Variants in CHL1 observed in about 807,000 individuals in gnomAD.
CHL1 encodes neural cell adhesion molecule L1-like protein.
In CHL1, 96 loss-of-function variants were observed where a neutral mutation model predicts 141.9. That is an observed-to-expected ratio of 0.68 (90% CI 0.57 to 0.80). CHL1 has a LOEUF of 0.80. CHL1 is among the 30% of genes least tolerant of loss of function. The pLI is 0.00. For missense variants in CHL1, 1,820 were observed against 1,457.2 expected (o/e 1.25, Z -4.05); for synonymous variants, 613 against 502.2 (o/e 1.22, Z -2.95).
chr3:287,317 C>G (rs748258114), intron 2 of CHL1, among the ~76,000 whole-genome samples: 2 of 152,166 alleles, frequency 1.3e-5, no homozygotes, highest in Non-Finnish European at 2.9e-5. Flanking sequence ...GACAATAGCT[C>G]TGTGCCAGGT....
chr3:383,738 T>A lies in CHL1; in HGVS notation c.2177-78T>A, dbSNP rs910011353. On this transcript the variant is annotated intron_variant, in intron 18 of 27. Coordinates refer to ENST00000256509, the MANE Select transcript of CHL1 (RefSeq NM_006614.4). ...AAACTTACTTAATTATCTGTGTTTT[T>A]GGGGGGCAGGAGTTGTGATATGATG... 2.1e-5 allele frequency: 18 copies of A among 868,586 alleles called. No homozygotes were observed. The East Asian group carries it at 4.2e-4, about 20-fold the overall frequency. 53.8% of individuals were successfully genotyped at this position (868,586 alleles called of 1,614,324 possible).
chr3:304,369 C>G (rs1394326941), intron 2 of CHL1, among the ~76,000 whole-genome samples: 1 of 152,124 alleles, frequency 6.6e-6, no homozygotes, highest in African/African-American at 2.4e-5. Context: ...TCCATCTGGT[C>G]CTGGGCTTTA....
intron 1 of CHL1, among the ~76,000 whole-genome samples, chr3:243,861 A>G (rs2125106589): frequency 6.6e-6 from 1 of 152,332 alleles, no homozygotes; most frequent in Non-Finnish European, 1.5e-5. Flanking sequence ...GACAGCTGGT[A>G]TGCAAAAAAA....
chr3:394,528 A>G (rs1048686060), intron 23 of CHL1, among the ~76,000 whole-genome samples, 165 bp from the exon 24 acceptor site: 18 of 152,148 alleles, frequency 1.2e-4, no homozygotes, highest in African/African-American at 4.3e-4. Context: ...CATATATGAT[A>G]TAGTCATAGT....
At chr3:266,339 A>G (rs1329915109) in intron 2 of CHL1, among the ~76,000 whole-genome samples, 1 of 152,170 alleles carries the variant, frequency 6.6e-6, no homozygotes, top group Non-Finnish European at 1.5e-5. Context: ...TTTCTTTAAC[A>G]AGGAAAGCGA....
chr3:361,867 T>A, intron 13 of CHL1, 57 bp downstream of exon 13: 1 of 1,169,600 alleles, frequency 8.5e-7, no homozygotes, highest in East Asian at 2.3e-5. Context: ...TTTGACCTTG[T>A]TTCTTCATCC....
intron 23 of CHL1, 135 bp from the exon 24 acceptor site, chr3:394,558 G>A (rs930114223): frequency 2.5e-4 from 165 of 658,472 alleles, no homozygotes; most frequent in Admixed American, 5.3e-4. Flanking sequence ...TACCTCATAG[G>A]ATTAAATGAG....
chr3:236,071 G>C (rs972045530), intron 1 of CHL1, among the ~76,000 whole-genome samples: 1 of 152,188 alleles, frequency 6.6e-6, no homozygotes, highest in Non-Finnish European at 1.5e-5. Flanking sequence ...ATGGTGGGAA[G>C]ACCAGCGTCT....
chr3:395,584 A>T (rs1708606180), intron 24 of CHL1, among the ~76,000 whole-genome samples: 1 of 152,348 alleles, frequency 6.6e-6, no homozygotes, highest in South Asian at 2.1e-4. Context: ...AAACAGAGAG[A>T]GATTTATGTA....
At chr3:330,072 C>T (rs182377266) in intron 5 of CHL1, among the ~76,000 whole-genome samples, 43 of 151,968 alleles carry the variant, frequency 2.8e-4, no homozygotes, top group African/African-American at 8.4e-4. Context: ...GTAACTAACA[C>T]GGCAAAATGA....
Position 383,121 on chromosome 3 carries a change from A to G in CHL1, c.2176+450A>G, listed in dbSNP as rs376498951. On this transcript the variant is annotated intron_variant, in intron 18 of 27. Transcript: ENST00000256509. ...TTGTATTACTGAATTGTTATTGATC[A>G]TCAATGTGGTCATAGCATGATATTT... Among the ~76,000 whole-genome samples the G allele has an allele frequency of 7.7e-4, 117 of 152,332 alleles. 2 individuals carry two copies. The South Asian group carries it at 0.024, about 31-fold the overall frequency.
chr3:302,859 G>C lies in CHL1; in HGVS notation c.-94-16824G>C, dbSNP rs532490671. ...ATGGTATTGCCCAGGTTTTCTTCTA[G>C]AGTTTTTATGGTCTAGGTCTTACGT... is the stretch of plus-strand genomic sequence containing the variant. On this transcript the variant is annotated intron_variant, in intron 2 of 27. Transcript: ENST00000256509. 1.3e-4 allele frequency among the ~76,000 whole-genome samples: 20 copies of C among 152,278 alleles called. No homozygotes were observed. In the Middle Eastern group the frequency reaches 0.017, roughly 129 times the overall value.
At chr3:384,552 G>A (rs764169004) in intron 19 of CHL1, 1 of 152,094 alleles carries the variant, frequency 6.6e-6, no homozygotes, top group Non-Finnish European at 1.5e-5. Flanking sequence ...GCATAAAAAT[G>A]CCCATCTACC....
At chr3:349,823 C>T (rs923928395) in intron 10 of CHL1, among the ~76,000 whole-genome samples, 1 of 152,132 alleles carries the variant, frequency 6.6e-6, no homozygotes, top group African/African-American at 2.4e-5. Flanking sequence ...AGCTAGTCTC[C>T]TAAATTATTT....
chr3:209,765 A>C (rs112359985), intron 1 of CHL1, among the ~76,000 whole-genome samples: 2,937 of 152,288 alleles, frequency 0.019, 101 homozygotes, highest in African/African-American at 0.066. Flanking sequence ...CCTGTGTCCA[A>C]GTGTTCTCAT....
intron 2 of CHL1, among the ~76,000 whole-genome samples, chr3:259,735 CACA>C (rs1382949648): frequency 6.6e-6 from 1 of 152,084 alleles, no homozygotes; most frequent in Non-Finnish European, 1.5e-5. Flanking sequence ...TGCTATTTGT[CACA>C]ACGAGTTTAT....
intron 1 of CHL1, among the ~76,000 whole-genome samples, chr3:220,450 G>A (rs180980006): frequency 1.6e-4 from 24 of 152,072 alleles, no homozygotes; most frequent in African/African-American, 5.8e-4. Context: ...GGGCCACATT[G>A]GAAGAAGAAG....
rs757649611 is a variant in CHL1 at position 407,995 on chromosome 3, CTT to C, written c.*2285_*2286del. 2 of 152,050 alleles carry C rather than the reference CTT, an allele frequency of 1.3e-5. No individual in the cohort carries two copies. Among genetic ancestry groups the C allele is most frequent in the Non-Finnish European group, 2.9e-5 (2 of 68,014 alleles). The allele number at this position is 152,050 out of a possible 1,614,324, so 9.4% of individuals were successfully genotyped here. A position where few individuals can be genotyped will look rare whatever the true frequency, so the allele number is the denominator to read the frequency against. On this transcript the variant is annotated 3_prime_UTR_variant, in exon 28 of 28. Transcript: ENST00000256509. Reference sequence around the variant, plus strand: ...ATACTATTTGGCAACTACTGGGACTCTTCAGCACAAAAGGAATAGATCTATGA... The same window carrying C: ...ATACTATTTGGCAACTACTGGGACTCCAGCACAAAAGGAATAGATCTATGA...
chr3:367,622 C>G (rs58776496), intron 15 of CHL1, among the ~76,000 whole-genome samples: 1 of 152,078 alleles, frequency 6.6e-6, no homozygotes, highest in Non-Finnish European at 1.5e-5. Flanking sequence ...CTGCTAATTT[C>G]TTCATTTTTT....
Sources: allele counts gnomAD v4.1 joint callset (sites outside exome capture counted in the v4.1 genomes callset), GRCh38; gene constraint gnomAD v4.1.1; transcripts MANE v1.5; gene names NCBI Gene and HGNC (gene_info 2026-07-23, HGNC 2026-07-21).